Variants in EMC2 observed in about 807,000 individuals in gnomAD.
EMC2 encodes ER membrane protein complex subunit 2.
A neutral mutation model predicts 51.6 loss-of-function variants in EMC2; 37 were observed. The ratio of observed to expected loss-of-function variants is 0.72; its 90% confidence interval spans 0.55 to 0.94. The LOEUF is 0.94. Ranked by LOEUF, EMC2 falls within the 40% of genes least tolerant of loss-of-function variation. EMC2 has a pLI of 0.00. For synonymous variants in EMC2, 131 were observed against 112.4 expected (o/e 1.17, Z -1.04); for missense variants, 359 against 350.9 (o/e 1.02, Z -0.18).
chr8:108,470,207 TGA>T (rs1228012901), intron 7 of EMC2, 86 bp downstream of exon 7: 11 of 809,054 alleles, frequency 1.4e-5, no homozygotes, highest in Admixed American at 2.2e-5. Flanking sequence ...AAAGGATTGG[TGA>T]GAGGGTGTGA....
intron 5 of EMC2, among the ~76,000 whole-genome samples, chr8:108,459,266 A>G (rs1438862424): frequency 6.6e-6 from 1 of 152,162 alleles, no homozygotes; most frequent in African/African-American, 2.4e-5. Context: ...CTCTGCCAGT[A>G]CCCAGTTCCA....
At chr8:108,447,487 T>G (rs1011051138) in intron 1 of EMC2, among the ~76,000 whole-genome samples, 5 of 152,184 alleles carry the variant, frequency 3.3e-5, no homozygotes, top group Admixed American at 3.3e-4. Flanking sequence ...ATATGCTGGT[T>G]TATGTAAATG....
At chr8:108,471,118 CAG>C (rs1810847499) in intron 7 of EMC2, among the ~76,000 whole-genome samples, 1 of 151,862 alleles carries the variant, frequency 6.6e-6, no homozygotes, top group Non-Finnish European at 1.5e-5. Flanking sequence ...TACTCTGAAA[CAG>C]ATATTCTGGT....
rs1810955023 is a variant in EMC2 at position 108,476,772 on chromosome 8, T to C, written c.592-10T>C. Reference sequence around the variant, plus strand: ...ATAAACAGTTTTCAGCACTTTGCAATTTTTAACAGGTTAAGTATACCCAAG... The same window carrying C: ...ATAAACAGTTTTCAGCACTTTGCAACTTTTAACAGGTTAAGTATACCCAAG... On this transcript the variant is annotated splice_polypyrimidine_tract_variant and intron_variant, in intron 8 of 10. Coordinates refer to ENST00000220853, the MANE Select transcript of EMC2 (RefSeq NM_014673.5). 3 of 1,367,166 alleles carry C rather than the reference T, an allele frequency of 2.2e-6. No individual in the cohort carries two copies. The highest frequency in any genetic ancestry group is 3.1e-6 in the Non-Finnish European group (3 of 956,412). 84.7% of individuals were successfully genotyped at this position (1,367,166 alleles called of 1,614,324 possible).
At chr8:108,479,856 T>G (rs1421252427) in intron 10 of EMC2, among the ~76,000 whole-genome samples, 1 of 152,102 alleles carries the variant, frequency 6.6e-6, no homozygotes, top group African/African-American at 2.4e-5. Context: ...CTCAGCCTCC[T>G]AAGTAGCTGG....
At chr8:108,475,375 T>A (rs1810928788) in intron 7 of EMC2, 1 of 152,312 alleles carries the variant, frequency 6.6e-6, no homozygotes, top group South Asian at 2.1e-4. Flanking sequence ...AATTTGGTAT[T>A]TGACAGTGAA....
intron 5 of EMC2, among the ~76,000 whole-genome samples, chr8:108,467,592 A>G (rs1810756054): frequency 6.6e-6 from 1 of 152,112 alleles, no homozygotes; most frequent in Admixed American, 6.6e-5. Flanking sequence ...ATTTTTGTAG[A>G]GACAGGGTCT....
chr8:108,465,876 C>T (rs1386532895), intron 5 of EMC2, among the ~76,000 whole-genome samples: 1 of 152,042 alleles, frequency 6.6e-6, no homozygotes, highest in Non-Finnish European at 1.5e-5. Context: ...TATGGTCATC[C>T]AGATTTCTAC....
intron 5 of EMC2, among the ~76,000 whole-genome samples, chr8:108,469,257 ATTTTTATGT>A (rs1190032707): frequency 6.6e-6 from 1 of 152,150 alleles, no homozygotes; most frequent in East Asian, 1.9e-4. Context: ...AATGGCATTG[ATTTTTATGT>A]TTATCATTTT....
rs896113391 is a variant in EMC2, at chr8:108,488,154, G to A, written c.*1556G>A. The stretch of plus-strand genomic sequence containing the variant: ...AATTCAGTGCCTCTTATAGCTGTCT[G>A]CCTTAGTTTCACTTTTTTTTTTTTT... On this transcript the variant is annotated 3_prime_UTR_variant, in exon 11 of 11. Transcript: ENST00000220853. 2.1e-5 allele frequency among the ~76,000 whole-genome samples: 3 copies of A among 144,006 alleles called. No homozygotes were observed. The highest frequency in any genetic ancestry group is 7.8e-5 in the African/African-American group (3 of 38,700). The allele number at this position is 144,006 out of a possible 152,430, so 94.5% of individuals were successfully genotyped here. A position where few individuals can be genotyped will look rare whatever the true frequency, so the allele number is the denominator to read the frequency against.
At chr8:108,444,276 A>G (rs552529938) in intron 1 of EMC2, among the ~76,000 whole-genome samples, 30 of 152,282 alleles carry the variant, frequency 2.0e-4, no homozygotes, top group African/African-American at 7.0e-4. Context: ...TACACACACA[A>G]CACAACTTCT....
In EMC2 at chr8:108,471,182, G is replaced by A. The variant is rs1810848597; in HGVS notation, c.509+1061G>A. On this transcript the variant is annotated intron_variant, in intron 7 of 10. Coordinates refer to ENST00000220853, the MANE Select transcript of EMC2 (RefSeq NM_014673.5). The stretch of plus-strand genomic sequence containing the variant: ...CACATTCAGTATAGATGATATGCTT[G>A]TATGTACACATATGTAAACATACTC... Among the ~76,000 whole-genome samples, 5 of 151,856 alleles carry A rather than the reference G, an allele frequency of 3.3e-5. No individual in the cohort carries two copies. The South Asian group carries it at 1.0e-3, about 31-fold the overall frequency.
At chr8:108,473,589 G>A (rs189403768) in intron 7 of EMC2, among the ~76,000 whole-genome samples, 377 of 152,000 alleles carry the variant, frequency 2.5e-3, no homozygotes, top group African/African-American at 8.3e-3. Context: ...ATACTATACA[G>A]CAAGGAACAG....
At chr8:108,477,029 G>A (rs1033880081) in intron 9 of EMC2, 137 bp downstream of exon 9, 32 of 522,410 alleles carry the variant, frequency 6.1e-5, no homozygotes, top group South Asian at 1.8e-4. Context: ...TTAATTCTGA[G>A]CAATAGCTTG....
intron 1 of EMC2, 147 bp from the exon 2 acceptor site, chr8:108,449,676 T>G: frequency 4.1e-6 from 2 of 485,400 alleles, no homozygotes; most frequent in Non-Finnish European, 3.7e-6. Flanking sequence ...TTATCAAATT[T>G]GAGATACCAC....
intron 3 of EMC2, among the ~76,000 whole-genome samples, chr8:108,451,854 G>A (rs1037429220): frequency 7.9e-5 from 12 of 152,134 alleles, no homozygotes; most frequent in African/African-American, 2.9e-4. Flanking sequence ...GACTGACCAA[G>A]TAATATGATT....
Position 108,476,825 on chromosome 8 carries a change from GA to G in EMC2, c.638del (p.Lys213SerfsTer7). 1 of 1,608,402 alleles carries G rather than the reference GA, an allele frequency of 6.2e-7. No individual in the cohort carries two copies. ...QGGLENLELS[R>X]KYFAQALKLN... is the part of the protein sequence containing the mutation. ...GGACTTGAAAACCTCGAACTTTCAA[GA>G]AAGTATTTTGCACAGGCATTGAAAC... On this transcript the variant is annotated frameshift_variant, in exon 9 of 11. Transcript: ENST00000220853. LOFTEE classifies it high-confidence loss of function.
intron 5 of EMC2, among the ~76,000 whole-genome samples, chr8:108,458,618 G>A (rs555055006): frequency 6.6e-6 from 1 of 152,256 alleles, no homozygotes; most frequent in African/African-American, 2.4e-5. Context: ...GCCACAGGGG[G>A]AGTGGCTGGG....
At chr8:108,469,708 T>C in intron 5 of EMC2, 118 bp from the exon 6 acceptor site, 1 of 767,452 alleles carries the variant, frequency 1.3e-6, no homozygotes, top group Non-Finnish European at 2.2e-6. Flanking sequence ...CACTAAGCAG[T>C]AGTTCTACAA....
Sources: gnomAD v4.1 joint callset for allele counts (sites outside exome capture counted in the v4.1 genomes callset) on GRCh38, gnomAD v4.1.1 for gene constraint, MANE v1.5 for transcripts, NCBI Gene and HGNC (gene_info 2026-07-23, HGNC 2026-07-21) for gene names.